GRIN2B: variants seen among roughly 807,000 people sequenced by gnomAD.
GRIN2B encodes glutamate ionotropic receptor NMDA type subunit 2B, also known as glutamate receptor ionotropic, NMDA 2B.
Under a neutral mutation model 114.5 loss-of-function variants are expected in GRIN2B, and 5 were observed. The observed-to-expected ratio is 0.04, with a 90% CI of 0.02 to 0.09. The LOEUF is 0.09. GRIN2B is among the 10% of genes least tolerant of loss of function. GRIN2B has a pLI of 1.00. For missense variants in GRIN2B, 1,108 were observed against 1,943.5 expected (o/e 0.57, Z 8.08); for synonymous variants, 787 against 745.1 (o/e 1.06, Z -0.92).
intron 4 of GRIN2B, among the ~76,000 whole-genome samples, chr12:13,734,018 G>A (rs1863137715): frequency 6.6e-6 from 1 of 152,140 alleles, no homozygotes; most frequent in African/African-American, 2.4e-5. Flanking sequence ...CATACAGTCT[G>A]GAGGGAAAAG....
At chr12:13,665,928 T>C (rs990944059) in intron 5 of GRIN2B, among the ~76,000 whole-genome samples, 16 of 152,204 alleles carry the variant, frequency 1.1e-4, no homozygotes, top group African/African-American at 3.1e-4. Flanking sequence ...TCAAAGGGAA[T>C]ATTCTGTTCC....
chr12:13,842,307 C>T (rs189598856), intron 3 of GRIN2B, among the ~76,000 whole-genome samples: 30 of 152,326 alleles, frequency 2.0e-4, no homozygotes, highest in Admixed American at 7.2e-4. Context: ...TACCAGGTGT[C>T]AACATCACCA....
At chr12:13,665,814 ATTTATATGTCTTTCCCAGATCC>A (rs1026567115) in intron 5 of GRIN2B, among the ~76,000 whole-genome samples, 3 of 152,124 alleles carry the variant, frequency 2.0e-5, no homozygotes, top group Admixed American at 6.5e-5. Flanking sequence ...CTGTCTGATC[ATTTATATGTCTTTCCCAGATCC>A]TATAGGGAAA....
chr12:13,735,345 C>A (rs1863159803), intron 4 of GRIN2B, among the ~76,000 whole-genome samples: 1 of 152,206 alleles, frequency 6.6e-6, no homozygotes, highest in Admixed American at 6.5e-5. Context: ...AATGCGATGA[C>A]TAGACATCAG....
At chr12:13,598,653 CT>C (rs1252998677) in intron 10 of GRIN2B, among the ~76,000 whole-genome samples, 1 of 152,114 alleles carries the variant, frequency 6.6e-6, no homozygotes, top group Non-Finnish European at 1.5e-5. Flanking sequence ...GTAGTTTTCT[CT>C]CACAATCCTT....
At chr12:13,814,538 A>C (rs1864784173) in intron 3 of GRIN2B, among the ~76,000 whole-genome samples, 1 of 152,234 alleles carries the variant, frequency 6.6e-6, no homozygotes, top group African/African-American at 2.4e-5. Flanking sequence ...AATTGCCTCC[A>C]AGTAACAAAA....
rs930361491 is a variant in GRIN2B, at chr12:13,756,337, C to T, written c.412-2422G>A. Among the ~76,000 whole-genome samples the T allele has an allele frequency of 2.0e-5, 3 of 152,126 alleles. No individual in the cohort carries two copies. The South Asian group carries it at 6.2e-4, about 32-fold the overall frequency. ...CCAAATTTCTGTTCTTTATAAGTTA[C>T]TCAGTTTATAAGTAGCCTGAAAGGA... On this transcript the variant is annotated intron_variant, in intron 3 of 13. Transcript: ENST00000609686.
intron 10 of GRIN2B, among the ~76,000 whole-genome samples, chr12:13,598,739 T>G (rs1423509918): frequency 6.6e-6 from 1 of 152,170 alleles, no homozygotes; most frequent in African/African-American, 2.4e-5. Context: ...GCACCTGTAC[T>G]TTTATTTCCA....
chr12:13,611,313 C>G (rs987463070), intron 9 of GRIN2B, among the ~76,000 whole-genome samples: 9 of 152,210 alleles, frequency 5.9e-5, no homozygotes, highest in Non-Finnish European at 1.3e-4. Context: ...GCCACAACCA[C>G]CTGCATATAT....
intron 10 of GRIN2B, among the ~76,000 whole-genome samples, chr12:13,602,188 G>C (rs1205337287): frequency 6.6e-6 from 1 of 152,186 alleles, no homozygotes; most frequent in Non-Finnish European, 1.5e-5. Flanking sequence ...AGGATTTGGG[G>C]AGTTTTACAT....
At position 13,935,555 on chromosome 12, in the gene GRIN2B, AG is replaced by A. The variant is rs1412249750; in HGVS notation, c.-19+44372del. Among the ~76,000 whole-genome samples, 107 of 152,332 alleles carry A rather than the reference AG, an allele frequency of 7.0e-4. 1 individual carries two copies. The highest frequency in any genetic ancestry group is 6.9e-3 in the Admixed American group (105 of 15,296). On this transcript the variant is annotated intron_variant, in intron 2 of 13. Coordinates refer to ENST00000609686, the MANE Select transcript of GRIN2B (RefSeq NM_000834.5). ...TTGAATTCAGACTATGATACTTACT[AG>A]TTGGATTTCCTGCCATGAGTTACTT... is the stretch of plus-strand genomic sequence containing the variant.
intron 4 of GRIN2B, among the ~76,000 whole-genome samples, chr12:13,718,090 A>C (rs1252758641): frequency 6.6e-6 from 1 of 152,022 alleles, no homozygotes; most frequent in Non-Finnish European, 1.5e-5. Flanking sequence ...TCTCACAGAC[A>C]TGATTATGTT....
In GRIN2B at chr12:13,559,269, G is replaced by C. The variant is rs1022881043; in HGVS notation, c.*3514C>G. 1.7e-4 allele frequency: 26 copies of C among 152,108 alleles called. No individual in the cohort carries two copies. The highest frequency in any genetic ancestry group is 6.0e-4 in the African/African-American group (25 of 41,402). 9.4% of individuals were successfully genotyped at this position (152,108 alleles called of 1,614,324 possible). On this transcript the variant is annotated 3_prime_UTR_variant, in exon 14 of 14. Coordinates refer to ENST00000609686, the MANE Select transcript of GRIN2B (RefSeq NM_000834.5). The stretch of plus-strand genomic sequence containing the variant: ...CAGTTGAAGAAAAGCAACCAACTGG[G>C]GCCAAATAAGTTTAGAAAAATAAAA...
intron 3 of GRIN2B, among the ~76,000 whole-genome samples, chr12:13,796,391 T>A (rs990412624): frequency 5.3e-5 from 8 of 152,148 alleles, no homozygotes; most frequent in Non-Finnish European, 1.2e-4. Flanking sequence ...AGTCTCACTT[T>A]GTGAGTCAGG....
chr12:13,565,591 C>T (rs1440154059), intron 13 of GRIN2B, among the ~76,000 whole-genome samples: 2 of 152,148 alleles, frequency 1.3e-5, no homozygotes, highest in Admixed American at 6.5e-5. Flanking sequence ...AAGCCAACCT[C>T]CTTCTCACAT....
At chr12:13,830,043 T>A (rs1336906931) in intron 3 of GRIN2B, among the ~76,000 whole-genome samples, 2 of 152,286 alleles carry the variant, frequency 1.3e-5, no homozygotes, top group Admixed American at 6.5e-5. Context: ...AGACCCACTA[T>A]CTGGAAGGCA....
intron 10 of GRIN2B, 96 bp downstream of exon 10, chr12:13,608,507 C>A: frequency 1.1e-6 from 1 of 885,248 alleles, no homozygotes; most frequent in African/African-American, 1.7e-5. Flanking sequence ...ACGGTCAATT[C>A]CAAAAATTTA....
chr12:13,711,739 G>C (rs996725505), intron 4 of GRIN2B, among the ~76,000 whole-genome samples: 1 of 152,184 alleles, frequency 6.6e-6, no homozygotes, highest in Admixed American at 6.5e-5. Context: ...ACAGGTGCTG[G>C]AGAGGATGTG....
chr12:13,621,815 T>C (rs772228491), intron 5 of GRIN2B, among the ~76,000 whole-genome samples: 8 of 152,084 alleles, frequency 5.3e-5, no homozygotes, highest in Non-Finnish European at 1.2e-4. Context: ...AACTAATCTG[T>C]AATGCTTTTA....
Sources: gnomAD v4.1 joint callset for allele counts (sites outside exome capture counted in the v4.1 genomes callset) on GRCh38, gnomAD v4.1.1 for gene constraint, MANE v1.5 for transcripts, NCBI Gene and HGNC (gene_info 2026-07-23, HGNC 2026-07-21) for gene names.